DPP6: variants seen among roughly 807,000 people sequenced by gnomAD.
DPP6 encodes dipeptidyl peptidase like 6.
Under a neutral mutation model 122.6 loss-of-function variants are expected in DPP6, and 69 were observed. The observed-to-expected ratio is 0.56, with a 90% CI of 0.46 to 0.69. DPP6 has a LOEUF of 0.69. Ranked by LOEUF, DPP6 falls within the 30% of genes least tolerant of loss-of-function variation. DPP6 has a pLI of 0.00. For missense variants in DPP6, 928 were observed against 1,116.9 expected (o/e 0.83, Z 2.41); for synonymous variants, 418 against 433.1 (o/e 0.97, Z 0.43).
At chr7:154,171,414 AG>A (rs759739274) in intron 1 of DPP6, among the ~76,000 whole-genome samples, 1 of 152,184 alleles carries the variant, frequency 6.6e-6, no homozygotes, top group Non-Finnish European at 1.5e-5. Flanking sequence ...GAGAGGACAG[AG>A]GAGGATGTTA....
chr7:153,753,267 T>C, the DPP6 span, among the ~76,000 whole-genome samples: 1 of 151,958 alleles, frequency 6.6e-6, no homozygotes, highest in East Asian at 1.9e-4. Context: ...TCTTTCACCA[T>C]ATTTGGGGAT....
intron 1 of DPP6, among the ~76,000 whole-genome samples, chr7:154,395,316 G>A (rs1368062667): frequency 6.6e-6 from 1 of 152,108 alleles, no homozygotes; most frequent in Non-Finnish European, 1.5e-5. Flanking sequence ...ATTTTGGGGG[G>A]AAACAAACTT....
chr7:154,178,472 T>C (rs1475199799), intron 1 of DPP6, among the ~76,000 whole-genome samples: 3 of 151,540 alleles, frequency 2.0e-5, no homozygotes, highest in Non-Finnish European at 4.4e-5. Context: ...CCAGCAATTG[T>C]TTCACAGTTT....
intron 8 of DPP6, among the ~76,000 whole-genome samples, chr7:154,752,320 C>A (rs1250872721): frequency 6.6e-6 from 1 of 152,136 alleles, no homozygotes; most frequent in Non-Finnish European, 1.5e-5. Flanking sequence ...GAGTTTTTGT[C>A]CTTGCAGGCA....
intron 19 of DPP6, among the ~76,000 whole-genome samples, chr7:154,873,700 C>T (rs1804577442): frequency 6.6e-6 from 1 of 152,172 alleles, no homozygotes; most frequent in Admixed American, 6.5e-5. Flanking sequence ...TGCTTTCACA[C>T]TTTCCCAGCA....
intron 2 of DPP6, among the ~76,000 whole-genome samples, chr7:154,472,029 A>T (rs1386597927): frequency 6.6e-6 from 1 of 152,212 alleles, no homozygotes; most frequent in Admixed American, 6.5e-5. Flanking sequence ...AAACTTAAGA[A>T]AAAGCCCGAG....
chr7:154,362,928 T>G (rs936169559), intron 1 of DPP6, among the ~76,000 whole-genome samples: 1 of 152,172 alleles, frequency 6.6e-6, no homozygotes, highest in Non-Finnish European at 1.5e-5. Flanking sequence ...GCACCAACCA[T>G]CACTGCAGTT....
At chr7:154,317,856 G>C (rs747235026) in intron 1 of DPP6, among the ~76,000 whole-genome samples, 1 of 152,194 alleles carries the variant, frequency 6.6e-6, no homozygotes, top group Non-Finnish European at 1.5e-5. Flanking sequence ...GACAGTAATT[G>C]AATCCAATAA....
the DPP6 span, among the ~76,000 whole-genome samples, chr7:153,811,319 A>G: frequency 0.36 from 53,294 of 148,804 alleles, 8,779 homozygotes; most frequent in South Asian, 0.45. Context: ...TGTTTAAAAT[A>G]CAAGTTGCTC....
At chr7:154,308,268 T>G (rs1034121283) in intron 1 of DPP6, among the ~76,000 whole-genome samples, 1 of 151,190 alleles carries the variant, frequency 6.6e-6, no homozygotes, top group Non-Finnish European at 1.5e-5. Context: ...AAAAAAAAGA[T>G]TTTACTATTA....
chr7:153,948,900 T>A (rs532543592), intron 1 of DPP6, among the ~76,000 whole-genome samples: 2 of 150,914 alleles, frequency 1.3e-5, no homozygotes, highest in Non-Finnish European at 2.9e-5. Context: ...CATTTAAGGA[T>A]TGACATTACT....
chr7:153,851,895 C>T, the DPP6 span, among the ~76,000 whole-genome samples: 1,751 of 152,236 alleles, frequency 0.012, 17 homozygotes, highest in Middle Eastern at 0.031. Flanking sequence ...TTACATTTTA[C>T]GTATATCAAA....
chr7:154,584,129 C>T (rs764503451), intron 5 of DPP6, among the ~76,000 whole-genome samples: 13 of 152,234 alleles, frequency 8.5e-5, no homozygotes, highest in Non-Finnish European at 1.6e-4. Flanking sequence ...GTGCTGGCCA[C>T]GCTGCCTTCA....
chr7:154,705,971 A>G (rs73730242), intron 7 of DPP6, among the ~76,000 whole-genome samples: 2,482 of 152,282 alleles, frequency 0.016, 67 homozygotes, highest in African/African-American at 0.055. Context: ...GTTGTTCCCC[A>G]TCTGGCCCAT....
At chr7:153,962,910 T>G (rs1224875154) in intron 1 of DPP6, among the ~76,000 whole-genome samples, 1 of 152,194 alleles carries the variant, frequency 6.6e-6, no homozygotes. Flanking sequence ...TGCTCTTCCT[T>G]CATTTTGATG....
chr7:154,753,339 T>A (rs1843492794), intron 8 of DPP6, among the ~76,000 whole-genome samples: 1 of 151,978 alleles, frequency 6.6e-6, no homozygotes. Flanking sequence ...AGTGACCACA[T>A]CCACACACCC....
rs151192180 is a variant in DPP6, at chr7:154,682,549, G to C, written c.762+13108G>C. Among the ~76,000 whole-genome samples, 369 of 152,338 alleles carry C rather than the reference G, an allele frequency of 2.4e-3. 1 individual carries two copies. Among genetic ancestry groups the C allele is most frequent in the African/African-American group, 8.4e-3 (349 of 41,570 alleles). ...GAGGTTATTGTCTGGGTTGTTAAACGTGGAGACAGAGAGGGCACAGAACAG... is the reference window on the plus strand; with the variant it reads ...GAGGTTATTGTCTGGGTTGTTAAACCTGGAGACAGAGAGGGCACAGAACAG... On this transcript the variant is annotated intron_variant, in intron 7 of 25. Coordinates refer to ENST00000377770, the MANE Select transcript of DPP6 (RefSeq NM_130797.4).
At chr7:153,981,575 T>C (rs564779817) in intron 1 of DPP6, among the ~76,000 whole-genome samples, 3 of 152,358 alleles carry the variant, frequency 2.0e-5, no homozygotes, top group African/African-American at 2.4e-5. Flanking sequence ...GTGAATTTGA[T>C]CCTGTTGTTA....
intron 15 of DPP6, among the ~76,000 whole-genome samples, chr7:154,805,899 G>A (rs1248643787): frequency 6.6e-6 from 1 of 152,238 alleles, no homozygotes; most frequent in African/African-American, 2.4e-5. Flanking sequence ...GGCCGCTGAA[G>A]AGGATGTTGT....
Sources: gnomAD v4.1 joint callset for allele counts (sites outside exome capture counted in the v4.1 genomes callset) on GRCh38, gnomAD v4.1.1 for gene constraint, MANE v1.5 for transcripts, NCBI Gene and HGNC (gene_info 2026-07-23, HGNC 2026-07-21) for gene names.